The following BIRC2 variants were observed in gnomAD, a reference collection of about 807,000 sequenced individuals.
BIRC2 encodes the protein baculoviral IAP repeat-containing protein 2.
BIRC2 carries 18 observed loss-of-function variants against 60.9 expected under a neutral mutation model. The ratio of observed to expected loss-of-function variants is 0.30; its 90% CI spans 0.20 to 0.44. The LOEUF (loss-of-function observed/expected upper bound fraction) is 0.44, where lower values mean the gene tolerates loss of function less well. BIRC2 is among the 20% of genes least tolerant of loss of function. The probability of loss-of-function intolerance (pLI) is 1.00; values close to 1 mark genes in which losing one functional copy is unlikely to be tolerated. For missense variants in BIRC2, 701 were observed against 728.5 expected, an observed-to-expected ratio of 0.96 and a Z score of 0.43; for synonymous variants, 282 against 247.7, an observed-to-expected ratio of 1.14 and a Z score of -1.30.
chr11:102,364,193 A>T (rs1272522454), intron 5 of BIRC2, among the ~76,000 whole-genome samples: 2 of 128,248 alleles, frequency 1.6e-5, no homozygotes, highest in Non-Finnish European at 1.6e-5. Flanking sequence ...ACACAGAGAG[A>T]GAGAGAGAGA....
chr11:102,362,370 A>G (rs1479793322), intron 3 of BIRC2, among the ~76,000 whole-genome samples: 1 of 152,238 alleles, frequency 6.6e-6, no homozygotes, highest in East Asian at 1.9e-4. Flanking sequence ...AAGCCCTATC[A>G]GTTTAAAAAC....
intron 3 of BIRC2, among the ~76,000 whole-genome samples, chr11:102,354,102 G>T (rs929306619): frequency 6.6e-6 from 1 of 152,196 alleles, no homozygotes; most frequent in African/African-American, 2.4e-5. Flanking sequence ...GACATGTGCA[G>T]TTCAAACCTG....
Position 102,378,221 on chromosome 11 carries a change from C to A in BIRC2, c.*38C>A. The A allele has an allele frequency of 2.1e-6, 3 of 1,460,180 alleles. No individual in the cohort carries two copies. Among genetic ancestry groups the A allele is most frequent in the South Asian group, 1.4e-5 (1 of 69,470 alleles). The allele number at this position is 1,460,180 out of a possible 1,614,324, so 90.5% of individuals were successfully genotyped here. A position where few individuals can be genotyped will look rare whatever the true frequency, so the allele number is the denominator to read the frequency against. On this transcript the variant is annotated 3_prime_UTR_variant, in exon 9 of 9. Transcript: ENST00000227758. ...TATATTTTAACCTGCATAAAAAGGTCTTTAAAATATTGTTGAACACTTGAA... is the reference window on the plus strand; with the variant it reads ...TATATTTTAACCTGCATAAAAAGGTATTTAAAATATTGTTGAACACTTGAA...
rs1360725736 is a variant in BIRC2, at chr11:102,348,654, C to T, written c.-1201C>T. ...ATTTTGTCCCCCTGCAGTAATAAAT[C>T]CCATTATGGAGATCTCGAAACTTTA... On this transcript the variant is annotated 5_prime_UTR_variant, in exon 2 of 9. Transcript: ENST00000227758. 3.0e-6 allele frequency: 1 copy of T among 334,634 alleles called. No individual in the cohort carries two copies. Among genetic ancestry groups the T allele is most frequent in the Admixed American group, 4.4e-5 (1 of 22,746 alleles). 20.7% of individuals were successfully genotyped at this position (334,634 alleles called of 1,614,324 possible).
chr11:102,350,690 G>C lies in BIRC2; in HGVS notation c.836G>C (p.Trp279Ser). The C allele has an allele frequency of 6.2e-7, 1 of 1,613,062 alleles. No homozygotes were observed. The highest frequency in any genetic ancestry group is 8.5e-7 in the Non-Finnish European group (1 of 1,179,678). ...HAARMRTFMY[W>S]PSSVPVQPEQ... ...GCTCGAATGAGAACATTTATGTACT[G>C]GCCATCTAGTGTTCCAGTTCAGCCT... The change falls in exon 2 of 9, where the codon TGG becomes TCG. Residue 279 changes from tryptophan to serine, a missense_variant. Coordinates refer to ENST00000227758, the MANE Select transcript of BIRC2 (RefSeq NM_001166.5).
At chr11:102,377,423 T>A (rs991464061) in intron 6 of BIRC2, 73 bp from the exon 7 acceptor site, 11 of 1,342,364 alleles carry the variant, frequency 8.2e-6, no homozygotes, top group Non-Finnish European at 1.1e-5. Flanking sequence ...GTAGGGTTGG[T>A]TATTAGTGAC....
At position 102,349,638 on chromosome 11, in the gene BIRC2, A is replaced by G. The variant is rs1565329948; in HGVS notation, c.-217A>G. 2 of 460,364 alleles carry G rather than the reference A, an allele frequency of 4.3e-6. No homozygotes were observed. Among genetic ancestry groups the G allele is most frequent in the East Asian group, 6.8e-5 (2 of 29,382 alleles). 28.5% of individuals were successfully genotyped at this position (460,364 alleles called of 1,614,324 possible). Reference sequence around the variant, plus strand: ...AGCACTTAGGTTACCTGAAAGAGTTACTACAACCCCAAAGAGTTGTGTTCT... The same window carrying G: ...AGCACTTAGGTTACCTGAAAGAGTTGCTACAACCCCAAAGAGTTGTGTTCT... On this transcript the variant is annotated 5_prime_UTR_variant, in exon 2 of 9. Coordinates refer to ENST00000227758, the MANE Select transcript of BIRC2 (RefSeq NM_001166.5).
intron 6 of BIRC2, among the ~76,000 whole-genome samples, chr11:102,372,164 T>C (rs1346928497): frequency 7.2e-5 from 11 of 152,190 alleles, no homozygotes; most frequent in East Asian, 1.9e-4. Flanking sequence ...GTGTCTCTAT[T>C]TCCTTCAGTT....
intron 6 of BIRC2, among the ~76,000 whole-genome samples, chr11:102,373,777 C>G (rs1951664953): frequency 6.6e-6 from 1 of 151,730 alleles, no homozygotes; most frequent in African/African-American, 2.4e-5. Context: ...CAACTTGGTT[C>G]CAATCTCCCC....
In BIRC2 at chr11:102,377,561, A is replaced by C. The variant is rs1951728601; in HGVS notation, c.1432A>C (p.Ile478Leu). The stretch of plus-strand genomic sequence containing the variant: ...TCAACAATTGACATGTGTGCTTCCT[A>C]TCCTGGATAATCTTTTAAAGGCCAA... ...LFQQLTCVLP[I>L]LDNLLKANVI... is the part of the protein sequence containing the mutation. Residue 478 changes from isoleucine to leucine, a missense_variant, in exon 7 of 9, where the codon ATC (isoleucine) becomes CTC (leucine). By Grantham distance (5) the Ile-to-Leu change is conservative (BLOSUM62 2). Transcript: ENST00000227758. 2 of 1,610,772 alleles carry C rather than the reference A, an allele frequency of 1.2e-6. No homozygotes were observed. Among genetic ancestry groups the C allele is most frequent in the African/African-American group, 1.3e-5 (1 of 74,862 alleles).
chr11:102,376,163 T>C (rs1951711219), intron 6 of BIRC2, among the ~76,000 whole-genome samples: 2 of 152,216 alleles, frequency 1.3e-5, no homozygotes, highest in South Asian at 4.1e-4. Context: ...ATTACAGATT[T>C]GGCAGTGTTA....
Position 102,373,712 on chromosome 11 carries a change from C to T in BIRC2, c.1367-3784C>T, listed in dbSNP as rs1951663889. Among the ~76,000 whole-genome samples, 5 of 150,760 alleles carry T rather than the reference C, an allele frequency of 3.3e-5. No homozygotes were observed. The South Asian group carries it at 1.0e-3, about 32-fold the overall frequency. On this transcript the variant is annotated intron_variant, in intron 6 of 8. Coordinates refer to ENST00000227758, the MANE Select transcript of BIRC2 (RefSeq NM_001166.5). ...TATATTTCCTGAATCTGAACGTTGG[C>T]CTGCCTTGCTAGATTGGGGAAGTTC...
In BIRC2 at chr11:102,374,165, G is replaced by C. The variant is rs1951670783; in HGVS notation, c.1367-3331G>C. On this transcript the variant is annotated intron_variant, in intron 6 of 8. Coordinates refer to ENST00000227758, the MANE Select transcript of BIRC2 (RefSeq NM_001166.5). ...GATCGTCTGAAGCCTTCTTCTCTCA[G>C]CTCATCAAAGTCATTCTCCATCCAG... Among the ~76,000 whole-genome samples the C allele has an allele frequency of 1.3e-5, 2 of 151,138 alleles. 1 individual carries two copies. Among genetic ancestry groups the C allele is most frequent in the South Asian group, 4.2e-4 (2 of 4,792 alleles).
In BIRC2 at chr11:102,368,438, C is replaced by T; in HGVS notation, c.1256C>T (p.Thr419Ile). ...CAAACAGTTCAAAGTAAAATCCTGACAACTGGAGAGAACTATAAAACAGTT... is the reference window on the plus strand; with the variant it reads ...CAAACAGTTCAAAGTAAAATCCTGATAACTGGAGAGAACTATAAAACAGTT... ...VKQTVQSKIL[T>I]TGENYKTVND... The change falls in exon 6 of 9, where the codon ACA (threonine) becomes ATA (isoleucine). Residue 419 changes from threonine to isoleucine, a missense_variant. Physicochemically the swap from Thr to Ile is moderately conservative, Grantham distance 89. Coordinates refer to ENST00000227758, the MANE Select transcript of BIRC2 (RefSeq NM_001166.5). 6.2e-7 allele frequency: 1 copy of T among 1,613,956 alleles called. No homozygotes were observed. The highest frequency in any genetic ancestry group is 8.5e-7 in the Non-Finnish European group (1 of 1,179,952).
chr11:102,363,056 A>G, intron 4 of BIRC2, 82 bp downstream of exon 4: 1 of 1,116,710 alleles, frequency 9.0e-7, no homozygotes, highest in Non-Finnish European at 1.3e-6. Context: ...AAAAGTGATC[A>G]TGATTTTTGC....
At chr11:102,353,467 C>T (rs559910170) in intron 3 of BIRC2, among the ~76,000 whole-genome samples, 176 of 152,132 alleles carry the variant, frequency 1.2e-3, no homozygotes, top group African/African-American at 3.8e-3. Flanking sequence ...TATAGGCACA[C>T]GCCACCACAC....
intron 6 of BIRC2, among the ~76,000 whole-genome samples, chr11:102,369,562 C>T (rs893448061): frequency 1.4e-5 from 2 of 146,828 alleles, no homozygotes; most frequent in African/African-American, 5.0e-5. Context: ...TCCGGTCTAT[C>T]ATTGTTGGAC....
In BIRC2 at chr11:102,350,572, C is replaced by A. The variant is rs1262067501; in HGVS notation, c.718C>A (p.His240Asn). 6.2e-7 allele frequency: 1 copy of A among 1,614,068 alleles called. No homozygotes were observed. The highest frequency in any genetic ancestry group is 1.3e-5 in the African/African-American group (1 of 74,930). The change falls in exon 2 of 9, where the codon CAC (histidine) becomes AAC (asparagine). Residue 240 changes from histidine (H) to asparagine (N), a missense_variant. By Grantham distance (68) the His-to-Asn change is moderately conservative. Coordinates refer to ENST00000227758, the MANE Select transcript of BIRC2 (RefSeq NM_001166.5). Reference sequence around the variant, plus strand: ...ACCAAAGGATGATGCTATGTCAGAACACCGGAGGCATTTTCCCAACTGTCC... The same window carrying A: ...ACCAAAGGATGATGCTATGTCAGAAAACCGGAGGCATTTTCCCAACTGTCC... ...WEPKDDAMSE[H>N]RRHFPNCPFL...
In BIRC2 at chr11:102,350,827, T is replaced by G. The variant is rs1951350743; in HGVS notation, c.896-17T>G. 1 of 1,611,800 alleles carries G rather than the reference T, an allele frequency of 6.2e-7. No homozygotes were observed. The highest frequency in any genetic ancestry group is 8.5e-7 in the Non-Finnish European group (1 of 1,179,334). ...GAACATACGTGTTTTCAATATTTAG[T>G]CTTTTTTTTCCTGAAGGTCGCAATG... is the stretch of plus-strand genomic sequence containing the variant. On this transcript the variant is annotated splice_polypyrimidine_tract_variant and intron_variant, in intron 2 of 8. Coordinates refer to ENST00000227758, the MANE Select transcript of BIRC2 (RefSeq NM_001166.5).
Sources: gnomAD v4.1 joint callset for allele counts (sites outside exome capture counted in the v4.1 genomes callset) on GRCh38, gnomAD v4.1.1 for gene constraint, MANE v1.5 for transcripts, NCBI Gene and HGNC (gene_info 2026-07-23, HGNC 2026-07-21) for gene names.